The following CDK17 variants were observed in gnomAD, a reference collection of about 807,000 sequenced individuals.
CDK17 encodes the protein cyclin dependent kinase 17.
A neutral mutation model predicts 77.6 loss-of-function variants in CDK17; 24 were observed. The ratio of observed to expected loss-of-function variants is 0.31; its 90% CI spans 0.22 to 0.44. The LOEUF is 0.44. Among genes scored for constraint, CDK17 ranks in the 20% least tolerant of loss-of-function variants. The probability of loss-of-function intolerance (pLI) is 1.00; values close to 1 mark genes in which losing one functional copy is unlikely to be tolerated. For missense variants in CDK17, 429 were observed against 622.5 expected (o/e 0.69, Z 3.31); for synonymous variants, 203 against 210.4 (o/e 0.96, Z 0.30).
chr12:96,337,870 C>T (rs1953067479), intron 1 of CDK17, among the ~76,000 whole-genome samples: 1 of 152,194 alleles, frequency 6.6e-6, no homozygotes, highest in Non-Finnish European at 1.5e-5. Context: ...GGTACTCTAA[C>T]TCTGCACATT....
intron 8 of CDK17, 88 bp from the exon 9 acceptor site, chr12:96,297,420 G>T: frequency 2.2e-6 from 2 of 915,696 alleles, no homozygotes; most frequent in Non-Finnish European, 3.4e-6. Flanking sequence ...AAAATTAGTT[G>T]TTTTTCAAGA....
In CDK17 at chr12:96,334,892, T is replaced by C. The variant is rs762749184; in HGVS notation, c.-29-27A>G. The C allele has an allele frequency of 3.2e-5, 29 of 905,660 alleles. No homozygotes were observed. In the African/African-American group the frequency reaches 4.1e-4, roughly 13 times the overall value. 56.1% of individuals were successfully genotyped at this position (905,660 alleles called of 1,614,324 possible). A position where few individuals can be genotyped will look rare whatever the true frequency, so the allele number is the denominator to read the frequency against. ...TGAAAGAAAAGAATAAACACAAAACTAAAGCTATAAATATTTTACCACTGA... is the reference window on the plus strand; with the variant it reads ...TGAAAGAAAAGAATAAACACAAAACCAAAGCTATAAATATTTTACCACTGA... On this transcript the variant is annotated intron_variant, in intron 1 of 16. Coordinates refer to ENST00000261211, the MANE Select transcript of CDK17 (RefSeq NM_002595.5).
At chr12:96,350,785 GAT>G (rs1953298812) in intron 1 of CDK17, among the ~76,000 whole-genome samples, 1 of 152,064 alleles carries the variant, frequency 6.6e-6, no homozygotes, top group Admixed American at 6.5e-5. Flanking sequence ...AAATATTCCT[GAT>G]ATTGGATTTC....
At chr12:96,362,923 T>C (rs1270091807) in intron 1 of CDK17, among the ~76,000 whole-genome samples, 2 of 152,084 alleles carry the variant, frequency 1.3e-5, no homozygotes, top group Admixed American at 1.3e-4. Context: ...TTCTACACCA[T>C]AAATCAGATG....
chr12:96,317,367 A>C (rs1368793526), intron 3 of CDK17, among the ~76,000 whole-genome samples: 2 of 105,384 alleles, frequency 1.9e-5, no homozygotes, highest in African/African-American at 7.1e-5. Flanking sequence ...AAGTTGGAAA[A>C]CACTCTGCAG....
rs984717434 is a variant in CDK17, at chr12:96,400,318, C to G, written c.-362G>C. ...GGCGCCGACGGCGGGCTGAGACTGTCTGGCCGGGCGCTGGCTCCTTCTCCG... is the reference window on the plus strand; with the variant it reads ...GGCGCCGACGGCGGGCTGAGACTGTGTGGCCGGGCGCTGGCTCCTTCTCCG... On this transcript the variant is annotated 5_prime_UTR_variant, in exon 1 of 17. Coordinates refer to ENST00000261211, the MANE Select transcript of CDK17 (RefSeq NM_002595.5). 2 of 388,734 alleles carry G rather than the reference C, an allele frequency of 5.1e-6. No homozygotes were observed. The allele number at this position is 388,734 out of a possible 1,614,324, so 24.1% of individuals were successfully genotyped here.
At chr12:96,323,276 A>AAC (rs1555202185) in intron 3 of CDK17, among the ~76,000 whole-genome samples, 4,362 of 130,802 alleles carry the variant, frequency 0.033, 110 homozygotes, top group East Asian at 0.13. Flanking sequence ...TCTAAAAAAA[A>AAC]AAAAAAAACA....
At chr12:96,344,022 A>C (rs994029643) in intron 1 of CDK17, among the ~76,000 whole-genome samples, 2 of 152,274 alleles carry the variant, frequency 1.3e-5, no homozygotes, top group Non-Finnish European at 2.9e-5. Context: ...GAATCAAACA[A>C]AAATTCCAAA....
Position 96,279,151 on chromosome 12 carries a change from T to C in CDK17, c.*1091A>G, listed in dbSNP as rs1952141451. 1 of 152,428 alleles carries C rather than the reference T, an allele frequency of 6.6e-6. No individual in the cohort carries two copies. Among genetic ancestry groups the C allele is most frequent in the Non-Finnish European group, 1.5e-5 (1 of 67,998 alleles). The allele number at this position is 152,428 out of a possible 1,614,324, so 9.4% of individuals were successfully genotyped here. On this transcript the variant is annotated 3_prime_UTR_variant, in exon 17 of 17. Transcript: ENST00000261211. Reference sequence around the variant, plus strand: ...AGTGTGTTTATGATGTTCAAAGAGATGCATAATTAAAACTAATATTTAGTA... The same window carrying C: ...AGTGTGTTTATGATGTTCAAAGAGACGCATAATTAAAACTAATATTTAGTA...
At chr12:96,318,657 G>T (rs1356703481) in intron 3 of CDK17, among the ~76,000 whole-genome samples, 2 of 144,292 alleles carry the variant, frequency 1.4e-5, no homozygotes, top group Non-Finnish European at 3.0e-5. Flanking sequence ...ACTCAAAACC[G>T]CTCAACTACA....
At chr12:96,379,962 A>T (rs1953849074) in intron 1 of CDK17, among the ~76,000 whole-genome samples, 1 of 151,740 alleles carries the variant, frequency 6.6e-6, no homozygotes, top group Non-Finnish European at 1.5e-5. Context: ...TGAGCCAAGG[A>T]GTTTGAAACC....
At chr12:96,297,536 G>T in intron 8 of CDK17, 91 bp downstream of exon 8, 1 of 953,538 alleles carries the variant, frequency 1.0e-6, no homozygotes, top group Non-Finnish European at 1.7e-6. Context: ...CACAGCTGCA[G>T]TTTAAAGAAA....
At chr12:96,399,531 C>G (rs969488658) in intron 1 of CDK17, 1 of 152,054 alleles carries the variant, frequency 6.6e-6, no homozygotes, top group African/African-American at 2.4e-5. Context: ...TCCCGCGGAC[C>G]CGCGCCCCTT....
At chr12:96,307,906 A>G (rs1461601688) in intron 5 of CDK17, among the ~76,000 whole-genome samples, 1 of 152,186 alleles carries the variant, frequency 6.6e-6, no homozygotes, top group Non-Finnish European at 1.5e-5. Context: ...AAATGTCTTA[A>G]GCAGTGATGC....
chr12:96,352,297 C>G (rs1380336040), intron 1 of CDK17, among the ~76,000 whole-genome samples: 2 of 151,926 alleles, frequency 1.3e-5, no homozygotes, highest in Non-Finnish European at 2.9e-5. Flanking sequence ...AAGTGGCACA[C>G]TAAGTGTAAG....
intron 1 of CDK17, among the ~76,000 whole-genome samples, chr12:96,363,020 AC>A (rs1485067062): frequency 6.6e-6 from 1 of 152,210 alleles, no homozygotes; most frequent in Non-Finnish European, 1.5e-5. Context: ...GAGCTCTTTG[AC>A]CTTAAAAAAA....
intron 2 of CDK17, among the ~76,000 whole-genome samples, chr12:96,330,685 T>C (rs150000190): frequency 6.6e-6 from 1 of 152,376 alleles, no homozygotes; most frequent in Admixed American, 6.5e-5. Flanking sequence ...TAGCTCTTCA[T>C]TCATTTATGT....
chr12:96,398,640 A>G (rs1330193725), intron 1 of CDK17, among the ~76,000 whole-genome samples: 4 of 152,244 alleles, frequency 2.6e-5, no homozygotes, highest in Non-Finnish European at 5.9e-5. Flanking sequence ...ACAAAGACTC[A>G]AAAAAGAAAC....
At position 96,361,169 on chromosome 12, in the gene CDK17, G is replaced by A. The variant is rs75930829; in HGVS notation, c.-29-26304C>T. Among the ~76,000 whole-genome samples the A allele has an allele frequency of 7.6e-3, 1,153 of 152,278 alleles. 6 individuals are homozygous for A. Among genetic ancestry groups the A allele is most frequent in the Non-Finnish European group, 0.013 (878 of 68,012 alleles). Reference sequence around the variant, plus strand: ...AGCTGGAACCCAGATTTTTCAGAGGGAGGAAATGGCTAGTTGATGCTGGCA... The same window carrying A: ...AGCTGGAACCCAGATTTTTCAGAGGAAGGAAATGGCTAGTTGATGCTGGCA... On this transcript the variant is annotated intron_variant, in intron 1 of 16. Coordinates refer to ENST00000261211, the MANE Select transcript of CDK17 (RefSeq NM_002595.5).
Sources: gnomAD v4.1 joint callset for allele counts (sites outside exome capture counted in the v4.1 genomes callset) on GRCh38, gnomAD v4.1.1 for gene constraint, MANE v1.5 for transcripts, NCBI Gene and HGNC (gene_info 2026-07-23, HGNC 2026-07-21) for gene names.